The following ANKS1B variants were observed in gnomAD, a reference collection of about 807,000 sequenced individuals.
ANKS1B encodes the protein ankyrin repeat and sterile alpha motif domain containing 1B.
ANKS1B carries 36 observed loss-of-function variants against 148.3 expected under a neutral mutation model. The observed-to-expected ratio is 0.24, with a 90% CI of 0.19 to 0.32. The LOEUF (loss-of-function observed/expected upper bound fraction) is 0.32, where lower values mean the gene tolerates loss of function less well. Among genes scored for constraint, ANKS1B ranks in the 10% least tolerant of loss-of-function variants. The pLI, the probability that ANKS1B is intolerant of heterozygous loss-of-function variation, is 1.00. For synonymous variants in ANKS1B, 542 were observed against 560.8 expected (o/e 0.97, Z 0.47); for missense variants, 1,157 against 1,542.6 (o/e 0.75, Z 4.19).
At chr12:99,174,498 A>C (rs2078145959) in intron 14 of ANKS1B, among the ~76,000 whole-genome samples, 1 of 152,192 alleles carries the variant, frequency 6.6e-6, no homozygotes, top group Non-Finnish European at 1.5e-5. Context: ...AAAATGTTTC[A>C]TTCAGAGTTG....
At chr12:99,827,437 G>T (rs188398907) in intron 1 of ANKS1B, among the ~76,000 whole-genome samples, 3 of 152,210 alleles carry the variant, frequency 2.0e-5, no homozygotes, top group African/African-American at 4.8e-5. Flanking sequence ...AAATATGTAG[G>T]ATGAACAAGT....
chr12:99,740,149 A>T (rs1319187995), intron 8 of ANKS1B, among the ~76,000 whole-genome samples: 1 of 152,008 alleles, frequency 6.6e-6, no homozygotes, highest in East Asian at 1.9e-4. Flanking sequence ...ATCTCTACGA[A>T]AAAAGAAATT....
At chr12:99,536,567 A>G (rs2097069584) in intron 9 of ANKS1B, among the ~76,000 whole-genome samples, 1 of 152,186 alleles carries the variant, frequency 6.6e-6, no homozygotes, top group African/African-American at 2.4e-5. Flanking sequence ...AAAAAGCTAG[A>G]AAAGTTGTTG....
At chr12:99,164,431 C>T (rs1381186325) in intron 14 of ANKS1B, among the ~76,000 whole-genome samples, 5 of 151,718 alleles carry the variant, frequency 3.3e-5, no homozygotes, top group Admixed American at 3.3e-4. Flanking sequence ...CCTCATTTTC[C>T]TTTTCTTCAT....
intron 8 of ANKS1B, among the ~76,000 whole-genome samples, chr12:99,742,346 TAAAA>T (rs2060197455): frequency 6.6e-6 from 1 of 150,578 alleles, no homozygotes; most frequent in South Asian, 2.1e-4. Flanking sequence ...CCAGAAAAAT[TAAAA>T]AGAAAGAAAA....
chr12:99,568,572 C>T (rs943028974), intron 9 of ANKS1B, among the ~76,000 whole-genome samples: 3 of 152,086 alleles, frequency 2.0e-5, no homozygotes, highest in African/African-American at 7.2e-5. Flanking sequence ...GATAAAAATG[C>T]TCTGTAATGT....
At chr12:99,890,510 A>G (rs990233780) in intron 1 of ANKS1B, among the ~76,000 whole-genome samples, 1 of 151,730 alleles carries the variant, frequency 6.6e-6, no homozygotes, top group African/African-American at 2.4e-5. Context: ...TGAACTTGCC[A>G]GCTCCCATAA....
rs114034588 is a variant in ANKS1B at position 99,696,901 on chromosome 12, A to G, written c.1129-41691T>C. 3.1e-3 allele frequency among the ~76,000 whole-genome samples: 473 copies of G among 152,292 alleles called. 3 individuals are homozygous for G. Among genetic ancestry groups the G allele is most frequent in the African/African-American group, 0.01 (432 of 41,580 alleles). On this transcript the variant is annotated intron_variant, in intron 8 of 26. Coordinates refer to ENST00000683438, the MANE Select transcript of ANKS1B (RefSeq NM_001352186.2). Reference sequence around the variant, plus strand: ...ACAACATAAGAAAACAAATAACCCAATTTTTAAAATGGGCAAAAGATCTTA... The same window carrying G: ...ACAACATAAGAAAACAAATAACCCAGTTTTTAAAATGGGCAAAAGATCTTA...
chr12:99,659,657 T>G (rs1160519379), intron 8 of ANKS1B, among the ~76,000 whole-genome samples: 2 of 147,836 alleles, frequency 1.4e-5, no homozygotes, highest in Non-Finnish European at 3.0e-5. Flanking sequence ...TGTGTCTGTG[T>G]GTGTGCATGT....
intron 6 of ANKS1B, among the ~76,000 whole-genome samples, chr12:99,777,813 T>C (rs2063812919): frequency 6.6e-6 from 1 of 151,134 alleles, no homozygotes. Flanking sequence ...CTAGATCTCC[T>C]GACCTCGTGA....
At chr12:98,953,554 T>G (rs1006808050) in intron 17 of ANKS1B, among the ~76,000 whole-genome samples, 6 of 141,216 alleles carry the variant, frequency 4.2e-5, no homozygotes, top group African/African-American at 1.3e-4. Context: ...TTTTTTTTTT[T>G]TTTTTTTTTT....
intron 8 of ANKS1B, among the ~76,000 whole-genome samples, chr12:99,660,145 AAAGT>A (rs2098469171): frequency 6.6e-6 from 1 of 152,188 alleles, no homozygotes; most frequent in Admixed American, 6.5e-5. Flanking sequence ...AATGAAATTT[AAAGT>A]AATACATGCT....
At chr12:98,946,411 T>G (rs1371393073) in intron 17 of ANKS1B, among the ~76,000 whole-genome samples, 1 of 152,200 alleles carries the variant, frequency 6.6e-6, no homozygotes, top group Non-Finnish European at 1.5e-5. Flanking sequence ...ATTTCCTCAT[T>G]CATTCAACAA....
At chr12:99,660,078 C>T (rs183890363) in intron 8 of ANKS1B, among the ~76,000 whole-genome samples, 101 of 152,318 alleles carry the variant, frequency 6.6e-4, no homozygotes, top group Admixed American at 3.8e-3. Context: ...TATAGCATTG[C>T]CACACGCCTT....
chr12:99,590,237 TTCAC>T (rs2097686837), intron 9 of ANKS1B, among the ~76,000 whole-genome samples: 1 of 140,274 alleles, frequency 7.1e-6, no homozygotes, highest in Non-Finnish European at 1.5e-5. Context: ...ATTTAAAACA[TTCAC>T]TCACACCCAC....
chr12:98,976,479 T>G, intron 17 of ANKS1B: 1 of 152,176 alleles, frequency 6.6e-6, no homozygotes, highest in Admixed American at 6.5e-5. Flanking sequence ...ACACAGAGGT[T>G]TCTGAGTCAA....
chr12:99,054,876 C>T (rs2099968567), intron 16 of ANKS1B, among the ~76,000 whole-genome samples: 1 of 152,210 alleles, frequency 6.6e-6, no homozygotes, highest in African/African-American at 2.4e-5. Context: ...AGTTAGAGTA[C>T]AATTTATTAT....
chr12:99,587,102 G>A (rs1427075692), intron 9 of ANKS1B, among the ~76,000 whole-genome samples: 8 of 152,076 alleles, frequency 5.3e-5, no homozygotes, highest in African/African-American at 1.7e-4. Context: ...AGAAGATAAA[G>A]CAAATGGCAG....
intron 11 of ANKS1B, among the ~76,000 whole-genome samples, chr12:99,409,597 T>C (rs576814924): frequency 6.6e-6 from 1 of 152,108 alleles, no homozygotes; most frequent in South Asian, 2.1e-4. Context: ...CATGCCTGTG[T>C]CAAAATATCT....
Sources: allele counts gnomAD v4.1 joint callset (sites outside exome capture counted in the v4.1 genomes callset), GRCh38; gene constraint gnomAD v4.1.1; transcripts MANE v1.5; gene names NCBI Gene and HGNC (gene_info 2026-07-23, HGNC 2026-07-21).